ENTREP2: variants seen among roughly 807,000 people sequenced by gnomAD.
The protein encoded by ENTREP2 is endosomal transmembrane epsin interactor 2.
At chr15:29,361,354 A>T in the ENTREP2 span, among the ~76,000 whole-genome samples, 2 of 152,238 alleles carry the variant, frequency 1.3e-5, no homozygotes, top group East Asian at 3.8e-4. Flanking sequence ...CTTCAAATGC[A>T]GCTGTGAATA....
At chr15:29,181,924 G>A in the ENTREP2 span, among the ~76,000 whole-genome samples, 2 of 152,004 alleles carry the variant, frequency 1.3e-5, no homozygotes, top group African/African-American at 4.8e-5. Flanking sequence ...GACAAGGATG[G>A]CTACTGGCTC....
the ENTREP2 span, among the ~76,000 whole-genome samples, chr15:29,135,431 G>A: frequency 6.6e-6 from 1 of 152,078 alleles, no homozygotes; most frequent in African/African-American, 2.4e-5. This position sits in a 1 kb window ranked among gnomAD's most constrained non-coding sequence, Gnocchi z 7.4. Flanking sequence ...TGGGTCCTTG[G>A]AAGATCCCTT....
the ENTREP2 span, among the ~76,000 whole-genome samples, chr15:29,356,554 C>A: frequency 6.6e-6 from 1 of 151,584 alleles, no homozygotes; most frequent in Non-Finnish European, 1.5e-5. Flanking sequence ...ATCCGCCCGC[C>A]TCGGCCTCCC....
the ENTREP2 span, among the ~76,000 whole-genome samples, chr15:29,363,354 C>T: frequency 2.6e-5 from 4 of 152,212 alleles, no homozygotes; most frequent in African/African-American, 9.6e-5. Flanking sequence ...GCCTTGCAGG[C>T]TTTCTATAAC....
chr15:29,486,346 T>C, the ENTREP2 span, among the ~76,000 whole-genome samples: 1,956 of 152,010 alleles, frequency 0.013, 42 homozygotes, highest in African/African-American at 0.045. Flanking sequence ...TATTTGGCCA[T>C]AAGATAGAAT....
the ENTREP2 span, among the ~76,000 whole-genome samples, chr15:29,420,154 T>C: frequency 0.19 from 29,599 of 152,148 alleles, 3,544 homozygotes; most frequent in Middle Eastern, 0.38. Flanking sequence ...CGAGTCTCAA[T>C]GGGCACCTCT....
chr15:29,197,493 C>T, the ENTREP2 span, among the ~76,000 whole-genome samples: 14 of 152,134 alleles, frequency 9.2e-5, no homozygotes, highest in Admixed American at 3.3e-4. Flanking sequence ...TCAGGCCAGG[C>T]GCGGTGGCTC....
At chr15:29,484,906 C>A in the ENTREP2 span, among the ~76,000 whole-genome samples, 2 of 152,138 alleles carry the variant, frequency 1.3e-5, no homozygotes, top group African/African-American at 2.4e-5. Context: ...AAAACGTTAA[C>A]TGGTTATGAA....
the ENTREP2 span, among the ~76,000 whole-genome samples, chr15:29,354,791 G>T: frequency 6.6e-6 from 1 of 152,086 alleles, no homozygotes; most frequent in Non-Finnish European, 1.5e-5. Context: ...CTCTGCACTG[G>T]AAATAGTTAA....
At chr15:29,118,267 T>C in the ENTREP2 span, 2 of 152,506 alleles carry the variant, frequency 1.3e-5, no homozygotes, top group East Asian at 3.9e-4. Context: ...CAGCTACCCG[T>C]AGGAAGACTT....
chr15:29,563,877 G>C, the ENTREP2 span, among the ~76,000 whole-genome samples: 3 of 130,394 alleles, frequency 2.3e-5, no homozygotes, highest in Non-Finnish European at 3.3e-5. Context: ...GTAAAATAAA[G>C]TTTCTGATTC....
chr15:29,156,842 C>T, the ENTREP2 span, among the ~76,000 whole-genome samples: 3 of 152,138 alleles, frequency 2.0e-5, no homozygotes, highest in Admixed American at 2.0e-4. Context: ...CTCAGCAGGC[C>T]AGGCGCAGTG....
the ENTREP2 span, among the ~76,000 whole-genome samples, chr15:29,449,174 A>G: frequency 2.0e-5 from 3 of 152,244 alleles, no homozygotes; most frequent in African/African-American, 7.2e-5. Context: ...AAACTGACCT[A>G]ATGAGAACAG....
chr15:29,139,643 A>C, the ENTREP2 span, among the ~76,000 whole-genome samples: 1 of 152,172 alleles, frequency 6.6e-6, no homozygotes, highest in Non-Finnish European at 1.5e-5. Context: ...CGCAGGTGCA[A>C]GTGAGCAGAG....
chr15:29,553,085 CAGG>C, the ENTREP2 span, among the ~76,000 whole-genome samples: 1 of 152,214 alleles, frequency 6.6e-6, no homozygotes. Context: ...CGTTTGAGGC[CAGG>C]AGTTCAAGAC....
At chr15:29,523,533 A>G in the ENTREP2 span, among the ~76,000 whole-genome samples, 1 of 151,330 alleles carries the variant, frequency 6.6e-6, no homozygotes, top group Non-Finnish European at 1.5e-5. Context: ...TACAAATTCA[A>G]CACAACCCTT....
At chr15:29,198,674 C>T in the ENTREP2 span, among the ~76,000 whole-genome samples, 2 of 152,252 alleles carry the variant, frequency 1.3e-5, no homozygotes, top group Non-Finnish European at 2.9e-5. Flanking sequence ...CACCCACCGG[C>T]CCATGGCCAT....
chr15:29,156,923 C>T, the ENTREP2 span, among the ~76,000 whole-genome samples: 4 of 152,040 alleles, frequency 2.6e-5, no homozygotes, highest in African/African-American at 7.2e-5. Flanking sequence ...GGTGAAACCC[C>T]GTCTCCACTA....
chr15:29,388,943 A>G, the ENTREP2 span, among the ~76,000 whole-genome samples: 28 of 125,302 alleles, frequency 2.2e-4, no homozygotes, highest in Non-Finnish European at 3.6e-4. Context: ...GAAGGGGAAC[A>G]TCACACACCG....
Sources: gnomAD v4.1 joint callset for allele counts (sites outside exome capture counted in the v4.1 genomes callset) on GRCh38, gnomAD v4.1.1 for gene constraint, Gnocchi (gnomAD v3.1) non-coding constraint, MANE v1.5 for transcripts, NCBI Gene and HGNC (gene_info 2026-07-23, HGNC 2026-07-21) for gene names.